The following CWC27 variants were observed in gnomAD, a reference collection of about 807,000 sequenced individuals.
CWC27 encodes the protein spliceosome-associated protein CWC27 homolog.
A neutral mutation model predicts 63.6 loss-of-function variants in CWC27; 47 were observed. The observed-to-expected ratio is 0.74, with a 90% CI of 0.58 to 0.94. The LOEUF (loss-of-function observed/expected upper bound fraction) is 0.94, where lower values mean the gene tolerates loss of function less well. Among genes scored for constraint, CWC27 ranks in the 40% least tolerant of loss-of-function variants. The pLI is 0.00. For synonymous variants in CWC27, 175 were observed against 179.8 expected (o/e 0.97, Z 0.22); for missense variants, 495 against 554.3 (o/e 0.89, Z 1.07).
intron 13 of CWC27, among the ~76,000 whole-genome samples, chr5:64,979,929 A>G (rs1477102972): frequency 6.7e-6 from 1 of 150,350 alleles, no homozygotes; most frequent in African/African-American, 2.4e-5. Flanking sequence ...TACAACAGAC[A>G]TTTGGGTACC....
At chr5:64,929,297 A>G (rs1170534235) in intron 11 of CWC27, among the ~76,000 whole-genome samples, 3 of 152,118 alleles carry the variant, frequency 2.0e-5, no homozygotes, top group Non-Finnish European at 4.4e-5. Flanking sequence ...TTCCCTCTGA[A>G]AGGAACCAGG....
chr5:64,901,538 G>C (rs889981368), intron 11 of CWC27, among the ~76,000 whole-genome samples: 3 of 152,072 alleles, frequency 2.0e-5, no homozygotes, highest in African/African-American at 7.2e-5. Flanking sequence ...TCACAGGACT[G>C]GAAGTCACTC....
rs536844163 is a variant in CWC27 at position 64,926,579 on chromosome 5, C to A, written c.1042+41033C>A. ...CCAGCAGGCTTGGAATGAATTCAGT[C>A]AATGAAGACGTAAATAAAAAATGTA... On this transcript the variant is annotated intron_variant, in intron 11 of 13. Transcript: ENST00000381070. 6.6e-5 allele frequency among the ~76,000 whole-genome samples: 10 copies of A among 151,920 alleles called. No individual in the cohort carries two copies. In the East Asian group the frequency reaches 1.9e-3, roughly 29 times the overall value.
intron 11 of CWC27, among the ~76,000 whole-genome samples, chr5:64,940,842 C>CTTTTTTTTTTTTTTTTT (rs70983655): frequency 3.5e-4 from 23 of 64,962 alleles, no homozygotes; most frequent in Admixed American, 4.6e-4. Context: ...TTCTTTCTTT[C>CTTTTTTTTTTTTTTTTT]TTTTTTTTTT....
intron 9 of CWC27, among the ~76,000 whole-genome samples, chr5:64,802,736 G>A (rs1744531813): frequency 6.6e-6 from 1 of 152,202 alleles, no homozygotes; most frequent in African/African-American, 2.4e-5. Context: ...GCATAGGGTT[G>A]AGGTGGAGAA....
At chr5:64,913,291 G>C (rs1747827068) in intron 11 of CWC27, among the ~76,000 whole-genome samples, 2 of 152,122 alleles carry the variant, frequency 1.3e-5, no homozygotes, top group African/African-American at 2.4e-5. Flanking sequence ...ATACTTAATG[G>C]TGTGGTAGGA....
At chr5:64,829,499 G>A (rs1045913209) in intron 10 of CWC27, among the ~76,000 whole-genome samples, 7 of 152,094 alleles carry the variant, frequency 4.6e-5, no homozygotes, top group African/African-American at 1.7e-4. Context: ...ATATACAAAT[G>A]TGTGTATATA....
chr5:64,791,045 T>C (rs1031840310), intron 7 of CWC27, among the ~76,000 whole-genome samples: 1 of 152,114 alleles, frequency 6.6e-6, no homozygotes, highest in Non-Finnish European at 1.5e-5. Flanking sequence ...GAAATTTCAC[T>C]GGTAGCGTAG....
At chr5:64,987,661 G>A (rs1390826977) in intron 13 of CWC27, among the ~76,000 whole-genome samples, 1 of 152,106 alleles carries the variant, frequency 6.6e-6, no homozygotes, top group Admixed American at 6.5e-5. Context: ...CTTCACTTTA[G>A]AATGTCATTA....
chr5:64,848,514 G>A (rs1439165132), intron 10 of CWC27, among the ~76,000 whole-genome samples: 1 of 152,098 alleles, frequency 6.6e-6, no homozygotes, highest in Non-Finnish European at 1.5e-5. Flanking sequence ...TGATACCAAA[G>A]CCAGACAGTG....
chr5:64,862,765 G>A (rs576111804), intron 10 of CWC27, among the ~76,000 whole-genome samples: 60 of 152,178 alleles, frequency 3.9e-4, no homozygotes, highest in African/African-American at 1.3e-3. Context: ...CAACTGGGTG[G>A]CTTATAAACA....
At chr5:64,910,301 C>T (rs1747757184) in intron 11 of CWC27, among the ~76,000 whole-genome samples, 1 of 152,182 alleles carries the variant, frequency 6.6e-6, no homozygotes, top group Admixed American at 6.5e-5. Context: ...AATATTGCTG[C>T]CTGATCCTTC....
At chr5:64,785,970 C>G (rs747257088) in intron 5 of CWC27, among the ~76,000 whole-genome samples, 6 of 151,812 alleles carry the variant, frequency 4.0e-5, no homozygotes, top group Non-Finnish European at 7.4e-5. Flanking sequence ...GGAGACCATC[C>G]TGACTAACAC....
intron 2 of CWC27, among the ~76,000 whole-genome samples, chr5:64,778,921 A>G (rs1580583213): frequency 6.6e-6 from 1 of 152,218 alleles, no homozygotes; most frequent in Non-Finnish European, 1.5e-5. Flanking sequence ...TGTACTGTGT[A>G]CTAAATACAG....
At chr5:64,801,461 G>GA (rs1190548614) in intron 9 of CWC27, 129 bp downstream of exon 9, 3 of 747,382 alleles carry the variant, frequency 4.0e-6, no homozygotes, top group Non-Finnish European at 5.7e-6. Context: ...TCAAATTTTG[G>GA]AAAAATATGA....
intron 13 of CWC27, among the ~76,000 whole-genome samples, chr5:64,982,577 C>T (rs1749348380): frequency 6.6e-6 from 1 of 152,060 alleles, no homozygotes. Flanking sequence ...GCTTCGGCCT[C>T]CCAAAGTGTT....
chr5:64,822,457 A>T (rs1580642308), intron 10 of CWC27, among the ~76,000 whole-genome samples: 1 of 152,336 alleles, frequency 6.6e-6, no homozygotes, highest in East Asian at 1.9e-4. Context: ...CATTAATTTT[A>T]GGCCTTGAAG....
chr5:64,806,906 T>G (rs1744696425), intron 10 of CWC27, among the ~76,000 whole-genome samples: 1 of 152,192 alleles, frequency 6.6e-6, no homozygotes, highest in African/African-American at 2.4e-5. Flanking sequence ...GTCTCTGAAG[T>G]TAACTTTATG....
At chr5:64,952,528 T>C (rs531181940) in intron 11 of CWC27, among the ~76,000 whole-genome samples, 2 of 152,108 alleles carry the variant, frequency 1.3e-5, no homozygotes, top group Non-Finnish European at 2.9e-5. Flanking sequence ...AGAGAAAGCA[T>C]GGGGCCTTTT....
Sources: allele counts gnomAD v4.1 joint callset (sites outside exome capture counted in the v4.1 genomes callset), GRCh38; gene constraint gnomAD v4.1.1; transcripts MANE v1.5; gene names NCBI Gene and HGNC (gene_info 2026-07-23, HGNC 2026-07-21).